ZC3H12B: variants seen among roughly 807,000 people sequenced by gnomAD.
The protein encoded by ZC3H12B is probable ribonuclease ZC3H12B.
A neutral mutation model predicts 43.9 loss-of-function variants in ZC3H12B; 7 were observed. That is an observed-to-expected ratio of 0.16 (90% CI 0.09 to 0.30). ZC3H12B has a LOEUF of 0.30. ZC3H12B is among the 10% of genes least tolerant of loss of function. The pLI is 1.00. For missense variants in ZC3H12B, 475 were observed against 670.2 expected (o/e 0.71, Z 3.22); for synonymous variants, 222 against 241.7 (o/e 0.92, Z 0.76).
the ZC3H12B span, among the ~76,000 whole-genome samples, chrX:65,248,974 A>G: frequency 1.8e-5 from 2 of 110,825 alleles, no homozygotes; most frequent in East Asian, 5.7e-4. Flanking sequence ...TAGATTCTGG[A>G]TATTAGTTTT....
the ZC3H12B span, among the ~76,000 whole-genome samples, chrX:65,068,373 A>G: frequency 9.1e-6 from 1 of 109,506 alleles, no homozygotes. Flanking sequence ...TTTTTTGTGT[A>G]TCCTTTGTGT....
At chrX:65,114,128 C>T in the ZC3H12B span, among the ~76,000 whole-genome samples, 1 of 103,046 alleles carries the variant, frequency 9.7e-6, no homozygotes, top group Non-Finnish European at 2.0e-5. Flanking sequence ...GGTCATGATA[C>T]ATATTAAAAT....
the ZC3H12B span, among the ~76,000 whole-genome samples, chrX:65,157,757 T>C: frequency 1.1e-5 from 1 of 91,326 alleles, no homozygotes; most frequent in Non-Finnish European, 1.9e-5. Flanking sequence ...TTTCTACCTT[T>C]CCCTTTTCTT....
the ZC3H12B span, among the ~76,000 whole-genome samples, chrX:65,140,090 C>A: frequency 9.1e-6 from 1 of 109,376 alleles, no homozygotes; most frequent in Admixed American, 9.7e-5. Flanking sequence ...ATTTATTTTT[C>A]TTGCTTAATT....
chrX:65,137,415 C>T, the ZC3H12B span, among the ~76,000 whole-genome samples: 1 of 111,897 alleles, frequency 8.9e-6, no homozygotes, highest in East Asian at 2.8e-4. Flanking sequence ...CTATCTCTGA[C>T]CTTGATACTG....
the ZC3H12B span, among the ~76,000 whole-genome samples, chrX:65,164,333 G>A: frequency 1.9e-4 from 21 of 111,104 alleles, no homozygotes; most frequent in Non-Finnish European, 3.2e-4. Context: ...GTGGTTAATG[G>A]GCTGGGTGGT....
the ZC3H12B span, among the ~76,000 whole-genome samples, chrX:65,182,532 T>C: frequency 2.7e-5 from 3 of 111,137 alleles, no homozygotes; most frequent in Non-Finnish European, 5.7e-5. Flanking sequence ...GATTTCATGA[T>C]GAAGACACCA....
At chrX:65,427,935 T>G (rs2067103775) in intron 3 of ZC3H12B, among the ~76,000 whole-genome samples, 1 of 112,156 alleles carries the variant, frequency 8.9e-6, no homozygotes, top group South Asian at 3.7e-4. Context: ...GCTTCCTTCA[T>G]GAGCTCTTGT....
chrX:65,499,757 TG>T, intron 3 of ZC3H12B, 125 bp from the exon 9 acceptor site: 2 of 521,983 alleles, frequency 3.8e-6, no homozygotes, highest in Non-Finnish European at 6.6e-6. Context: ...AGGATAGACT[TG>T]AGGCAGGAAG....
chrX:65,498,959 G>A, intron 2 of ZC3H12B, 40 bp from the exon 8 acceptor site: 2 of 1,065,778 alleles, frequency 1.9e-6, no homozygotes, highest in Non-Finnish European at 2.6e-6. Flanking sequence ...AATTTCCAAA[G>A]ATGATTTCTG....
Position 65,392,615 on chromosome X carries a change from G to A in ZC3H12B, n.296-5978G>A, listed in dbSNP as rs551101428. On this transcript the variant is annotated intron_variant and non_coding_transcript_variant, in intron 2 of 5. Coordinates refer to the ZC3H12B transcript ENST00000617377. ...TGGGTGGTGCCCCCGCCCAGCAGCC[G>A]CCCCGTCTGGGAGGTGGGGGGCGCC... 8.7e-4 allele frequency among the ~76,000 whole-genome samples: 94 copies of A among 108,521 alleles called. No homozygotes were observed. In the South Asian group the frequency reaches 0.025, roughly 29 times the overall value. The allele number at this position is 108,521 out of a possible 115,157, so 94.2% of individuals were successfully genotyped here.
At chrX:65,054,686 C>T in the ZC3H12B span, among the ~76,000 whole-genome samples, 1 of 111,768 alleles carries the variant, frequency 8.9e-6, no homozygotes, top group Non-Finnish European at 1.9e-5. Flanking sequence ...GCAGTATGGC[C>T]ATTTTTACGA....
At chrX:65,346,905 G>T in the ZC3H12B span, among the ~76,000 whole-genome samples, 8 of 112,556 alleles carry the variant, frequency 7.1e-5, no homozygotes, top group East Asian at 2.0e-3. Flanking sequence ...CCTGCCTGAT[G>T]ACTCTGAAGA....
the ZC3H12B span, among the ~76,000 whole-genome samples, chrX:65,315,447 A>G: frequency 9.0e-6 from 1 of 111,420 alleles, no homozygotes; most frequent in African/African-American, 3.3e-5. Flanking sequence ...GATACTGTAA[A>G]TGTTGTGACA....
At chrX:65,131,427 G>A in the ZC3H12B span, among the ~76,000 whole-genome samples, 6 of 111,461 alleles carry the variant, frequency 5.4e-5, no homozygotes, top group East Asian at 5.7e-4. Flanking sequence ...TACAGGGTGC[G>A]GTCCCAGCTC....
the ZC3H12B span, among the ~76,000 whole-genome samples, chrX:65,233,859 A>G: frequency 1.8e-5 from 2 of 111,682 alleles, no homozygotes; most frequent in African/African-American, 6.5e-5. Context: ...CAGGGAAGAC[A>G]AAAATAAAAC....
chrX:65,370,496 G>A (rs1254326660), intron 2 of ZC3H12B, among the ~76,000 whole-genome samples: 1 of 111,759 alleles, frequency 8.9e-6, no homozygotes, highest in Non-Finnish European at 1.9e-5. Context: ...CATAATGTGA[G>A]GAGAAATTGA....
chrX:65,374,505 G>A (rs1331427571), intron 2 of ZC3H12B, among the ~76,000 whole-genome samples: 1 of 106,092 alleles, frequency 9.4e-6, no homozygotes, highest in Non-Finnish European at 1.9e-5. Flanking sequence ...CCAAATAGAA[G>A]GCTCCACCAA....
the ZC3H12B span, among the ~76,000 whole-genome samples, chrX:65,329,826 T>G: frequency 4.5e-5 from 5 of 111,615 alleles, no homozygotes; most frequent in Non-Finnish European, 9.4e-5. Flanking sequence ...CATTGCTTGT[T>G]TTTGTCAGGT....
Sources: allele counts gnomAD v4.1 joint callset (sites outside exome capture counted in the v4.1 genomes callset), GRCh38; gene constraint gnomAD v4.1.1; transcripts MANE v1.5; gene names NCBI Gene and HGNC (gene_info 2026-07-23, HGNC 2026-07-21).